The following DPH6 variants were observed in gnomAD, a reference collection of about 807,000 sequenced individuals.
DPH6 encodes the protein diphthamine biosynthesis 6.
A neutral mutation model predicts 38.2 loss-of-function variants in DPH6; 33 were observed. The ratio of observed to expected loss-of-function variants is 0.86; its 90% confidence interval spans 0.65 to 1.15. DPH6 has a LOEUF of 1.15. DPH6 is among the 50% of genes most tolerant of loss of function. DPH6 has a pLI of 0.00. For synonymous variants in DPH6, 108 were observed against 103.0 expected, an observed-to-expected ratio of 1.05 and a Z score of -0.30; for missense variants, 325 against 320.0, an observed-to-expected ratio of 1.02 and a Z score of -0.12.
chr15:35,506,138 T>G (rs1255909121), intron 3 of DPH6, among the ~76,000 whole-genome samples: 1 of 152,118 alleles, frequency 6.6e-6, no homozygotes, highest in Non-Finnish European at 1.5e-5. Context: ...GTTTATATCT[T>G]TATCTTATTT....
chr15:35,312,249 T>C (rs1397139437), intron 3 of DPH6, among the ~76,000 whole-genome samples: 1 of 152,216 alleles, frequency 6.6e-6, no homozygotes, highest in African/African-American at 2.4e-5. Context: ...AATTATTTGC[T>C]GAATGATTTG....
At chr15:35,387,240 T>G (rs981485201) in intron 6 of DPH6, among the ~76,000 whole-genome samples, 2 of 152,214 alleles carry the variant, frequency 1.3e-5, no homozygotes, top group Non-Finnish European at 2.9e-5. Flanking sequence ...TTTTGGTTAC[T>G]GTAGCCTTGT....
chr15:35,470,809 A>C (rs75331270), intron 3 of DPH6, among the ~76,000 whole-genome samples: 2,780 of 152,338 alleles, frequency 0.018, 87 homozygotes, highest in African/African-American at 0.062. Flanking sequence ...AAAAACTCCT[A>C]TCTTTAATTA....
intron 3 of DPH6, among the ~76,000 whole-genome samples, chr15:35,474,082 G>C (rs900451931): frequency 9.2e-5 from 14 of 152,156 alleles, no homozygotes; most frequent in African/African-American, 3.4e-4. Flanking sequence ...ATATACCTAT[G>C]AACATTGTGA....
At chr15:35,300,026 G>A (rs1240761363) in intron 3 of DPH6, among the ~76,000 whole-genome samples, 1 of 152,186 alleles carries the variant, frequency 6.6e-6, no homozygotes, top group Non-Finnish European at 1.5e-5. Flanking sequence ...ATGGGCGCTT[G>A]TACTAGGACT....
chr15:35,357,184 C>T (rs995164309), intron 3 of DPH6, among the ~76,000 whole-genome samples: 10 of 152,238 alleles, frequency 6.6e-5, no homozygotes, highest in East Asian at 3.9e-4. Context: ...CGTCTATCAC[C>T]GCTTTCTTTG....
At chr15:35,450,422 T>A (rs1353110180) in intron 5 of DPH6, among the ~76,000 whole-genome samples, 1 of 139,616 alleles carries the variant, frequency 7.2e-6, no homozygotes, top group East Asian at 2.1e-4. Flanking sequence ...TGAAGGACTA[T>A]AATACAATAT....
At chr15:35,241,544 T>C (rs2051599037) in intron 3 of DPH6, among the ~76,000 whole-genome samples, 1 of 142,614 alleles carries the variant, frequency 7.0e-6, no homozygotes, top group African/African-American at 2.5e-5. Flanking sequence ...GGCCGAGATA[T>C]TTTAACCAAA....
At chr15:35,487,391 G>C (rs1038335951) in intron 3 of DPH6, among the ~76,000 whole-genome samples, 1 of 152,252 alleles carries the variant, frequency 6.6e-6, no homozygotes, top group Non-Finnish European at 1.5e-5. Flanking sequence ...TACATCCTTT[G>C]AAATCTAGGT....
At chr15:35,295,686 C>G (rs1167638805) in intron 3 of DPH6, among the ~76,000 whole-genome samples, 2 of 152,162 alleles carry the variant, frequency 1.3e-5, no homozygotes, top group Admixed American at 1.3e-4. Flanking sequence ...CCCATGGTCA[C>G]AAGAGCTGTT....
intron 5 of DPH6, among the ~76,000 whole-genome samples, chr15:35,414,010 A>G (rs10520000): frequency 0.3 from 46,156 of 151,386 alleles, 7,700 homozygotes; most frequent in African/African-American, 0.45. Context: ...TTAGACCAGA[A>G]CTTAGTATGT....
the DPH6 span, among the ~76,000 whole-genome samples, chr15:35,179,028 G>A: frequency 6.6e-6 from 1 of 151,770 alleles, no homozygotes; most frequent in East Asian, 1.9e-4. Flanking sequence ...CCAACATGGA[G>A]AAATCCCATC....
intron 3 of DPH6, among the ~76,000 whole-genome samples, chr15:35,496,566 AAAT>A (rs1294517521): frequency 6.4e-5 from 6 of 93,820 alleles, no homozygotes; most frequent in Admixed American, 1.3e-4. Context: ...AAAAAAAAAA[AAAT>A]ATATATATAT....
intron 5 of DPH6, among the ~76,000 whole-genome samples, chr15:35,430,210 CAG>C (rs1327388725): frequency 6.6e-6 from 1 of 152,072 alleles, no homozygotes; most frequent in African/African-American, 2.4e-5. Flanking sequence ...AGGAGGGACA[CAG>C]AAATAATAAT....
At chr15:35,245,129 AATCT>A in intron 3 of DPH6, among the ~76,000 whole-genome samples, 1 of 152,242 alleles carries the variant, frequency 6.6e-6, no homozygotes, top group South Asian at 2.1e-4. Flanking sequence ...TTTATACAAG[AATCT>A]ATCAATCATT....
chr15:35,220,277 A>T (rs1328661894), exon 4 of DPH6: 1 of 152,200 alleles, frequency 6.6e-6, no homozygotes, highest in Non-Finnish European at 1.5e-5. Context: ...GAGGTCCCAC[A>T]TCACCTCCCA....
intron 6 of DPH6, among the ~76,000 whole-genome samples, chr15:35,403,723 G>A (rs2053252738): frequency 6.6e-6 from 1 of 151,856 alleles, no homozygotes; most frequent in Non-Finnish European, 1.5e-5. Context: ...GCCCAGGCTG[G>A]TCTTGAACTC....
chr15:35,238,175 C>A (rs116658073), intron 3 of DPH6: 12 of 500,398 alleles, frequency 2.4e-5, no homozygotes, highest in Non-Finnish European at 3.2e-5. Flanking sequence ...CTGATTGTAA[C>A]GTTGCTGTGG....
At chr15:35,366,000 G>A, downstream of DPH6, 5 of 985,210 alleles carry the variant, frequency 5.1e-6, no homozygotes, top group Non-Finnish European at 6.0e-6. Context: ...GAGAGACAGG[G>A]TAGGAAAGTT....
Sources: allele counts gnomAD v4.1 joint callset (sites outside exome capture counted in the v4.1 genomes callset), GRCh38; gene constraint gnomAD v4.1.1; transcripts MANE v1.5; gene names NCBI Gene and HGNC (gene_info 2026-07-23, HGNC 2026-07-21).